The following FRMPD4 variants were observed in gnomAD, a reference collection of about 807,000 sequenced individuals.
The protein encoded by FRMPD4 is FERM and PDZ domain-containing protein 4.
Under a neutral mutation model 94.1 loss-of-function variants are expected in FRMPD4, and 22 were observed. That is an observed-to-expected ratio of 0.23 (90% CI 0.17 to 0.33). FRMPD4 has a LOEUF of 0.33. Ranked by LOEUF, FRMPD4 falls within the 10% of genes least tolerant of loss-of-function variation. The pLI, the probability that FRMPD4 is intolerant of heterozygous loss-of-function variation, is 1.00. For synonymous variants in FRMPD4, 631 were observed against 548.6 expected (o/e 1.15, Z -2.10); for missense variants, 1,111 against 1,339.9 (o/e 0.83, Z 2.67).
At chrX:12,624,009 T>C (rs1298038916) in intron 4 of FRMPD4, among the ~76,000 whole-genome samples, 1 of 111,822 alleles carries the variant, frequency 8.9e-6, no homozygotes, top group Non-Finnish European at 1.9e-5. Context: ...TGCGATCCCA[T>C]CTCAAAAAGA....
At chrX:12,156,986 G>T (rs1462471916) in intron 1 of FRMPD4, among the ~76,000 whole-genome samples, 1 of 111,660 alleles carries the variant, frequency 9.0e-6, no homozygotes, top group Non-Finnish European at 1.9e-5. Flanking sequence ...CAAATGGGCA[G>T]GTATAGATGC....
intron 1 of FRMPD4, among the ~76,000 whole-genome samples, chrX:12,285,298 A>G (rs2054584613): frequency 8.9e-6 from 1 of 111,907 alleles, no homozygotes; most frequent in Non-Finnish European, 1.9e-5. Context: ...TGTTCCCAGA[A>G]AGGATTTTTT....
intron 3 of FRMPD4, among the ~76,000 whole-genome samples, chrX:12,033,572 G>A (rs368934928): frequency 4.5e-5 from 5 of 111,680 alleles, no homozygotes; most frequent in Non-Finnish European, 7.5e-5. Context: ...GGACTATTAC[G>A]GGATAAACAT....
At chrX:12,633,469 G>T (rs1178703343) in intron 4 of FRMPD4, among the ~76,000 whole-genome samples, 6 of 111,846 alleles carry the variant, frequency 5.4e-5, no homozygotes, top group Non-Finnish European at 7.5e-5. Flanking sequence ...CGAGAGCTGA[G>T]TAGCATCCCC....
At chrX:12,073,445 T>C (rs2054986704) in intron 3 of FRMPD4, among the ~76,000 whole-genome samples, 1 of 112,068 alleles carries the variant, frequency 8.9e-6, no homozygotes, top group African/African-American at 3.2e-5. Flanking sequence ...TTCCCATCAT[T>C]ATTATTCTTT....
rs1389259892 is a variant in FRMPD4, at chrX:11,833,724, C to T, written c.-161+11009C>T. Reference sequence around the variant, plus strand: ...CACCCTCCTGCAGCAGAGAGCTCACCGAATATCTATTTCCTTCCCTGCATT... The same window carrying T: ...CACCCTCCTGCAGCAGAGAGCTCACTGAATATCTATTTCCTTCCCTGCATT... On this transcript the variant is annotated intron_variant, in intron 1 of 18. Coordinates refer to the FRMPD4 transcript ENST00000640291. 3.6e-5 allele frequency among the ~76,000 whole-genome samples: 4 copies of T among 111,635 alleles called. No homozygotes were observed. The South Asian group carries it at 1.1e-3, about 32-fold the overall frequency.
chrX:12,364,827 C>T (rs2056050459), intron 1 of FRMPD4, among the ~76,000 whole-genome samples: 1 of 112,022 alleles, frequency 8.9e-6, no homozygotes, highest in Admixed American at 9.4e-5. Context: ...AAATAGCTTC[C>T]CCTGGTTGGA....
rs766374914 is a variant in FRMPD4, at chrX:11,824,531, G to A, written c.-161+1816G>A. 7.2e-5 allele frequency among the ~76,000 whole-genome samples: 8 copies of A among 111,511 alleles called. No individual in the cohort carries two copies. In the South Asian group the frequency reaches 1.1e-3, roughly 16 times the overall value. On this transcript the variant is annotated intron_variant, in intron 1 of 18. Coordinates refer to the FRMPD4 transcript ENST00000640291. ...AAATGTTAATAGCATACTCCCCTCA[G>A]TTGTGACAACCCAAAATATCTCCAG...
intron 1 of FRMPD4, among the ~76,000 whole-genome samples, chrX:12,196,320 A>T (rs2056566834): frequency 8.9e-6 from 1 of 111,767 alleles, no homozygotes; most frequent in Non-Finnish European, 1.9e-5. Flanking sequence ...TTCAGTCCCT[A>T]CTGCCATCAC....
At chrX:12,095,395 A>G (rs1359521158) in intron 3 of FRMPD4, among the ~76,000 whole-genome samples, 1 of 108,966 alleles carries the variant, frequency 9.2e-6, no homozygotes, top group Non-Finnish European at 1.9e-5. Flanking sequence ...AAAAAAAAAT[A>G]CTATTTCATG....
intron 1 of FRMPD4, among the ~76,000 whole-genome samples, chrX:12,324,510 C>T (rs973541297): frequency 4.5e-5 from 5 of 111,988 alleles, no homozygotes; most frequent in Admixed American, 9.5e-5. Context: ...TCAAGGATAA[C>T]AAAATTTTTA....
intron 1 of FRMPD4, among the ~76,000 whole-genome samples, chrX:12,280,607 G>C (rs2054509178): frequency 9.0e-6 from 1 of 111,705 alleles, no homozygotes; most frequent in African/African-American, 3.3e-5. Context: ...TCTGCCCACA[G>C]CCCATGAAGT....
chrX:12,333,931 A>T (rs1030458164), intron 1 of FRMPD4, among the ~76,000 whole-genome samples: 1 of 112,130 alleles, frequency 8.9e-6, no homozygotes, highest in Admixed American at 9.5e-5. Flanking sequence ...TGCATCTTGT[A>T]GAGATTAGAA....
intron 3 of FRMPD4, among the ~76,000 whole-genome samples, chrX:12,087,752 A>G (rs2055122860): frequency 8.9e-6 from 1 of 112,551 alleles, no homozygotes; most frequent in Admixed American, 9.4e-5. Flanking sequence ...ACTGTATAAT[A>G]CAATGTTCTG....
intron 3 of FRMPD4, among the ~76,000 whole-genome samples, chrX:11,934,493 G>C (rs2054140207): frequency 1.8e-5 from 2 of 111,945 alleles, no homozygotes; most frequent in South Asian, 7.5e-4. Flanking sequence ...ATTTACTTAA[G>C]TCATGAGAAA....
chrX:12,134,620 C>A (rs1288889800), upstream of FRMPD4, among the ~76,000 whole-genome samples: 2 of 111,755 alleles, frequency 1.8e-5, no homozygotes, highest in Non-Finnish European at 3.8e-5. Context: ...TTAGATAAGG[C>A]CTTAAGAATG....
intron 4 of FRMPD4, among the ~76,000 whole-genome samples, chrX:12,666,707 A>G (rs778183740): frequency 8.9e-5 from 10 of 111,988 alleles, no homozygotes; most frequent in South Asian, 3.7e-4. Flanking sequence ...TTAAGGCAGA[A>G]ACAAGTTCTT....
Position 12,078,830 on chromosome X carries a change from A to G in FRMPD4, c.95+200812A>G, listed in dbSNP as rs1311014466. Among the ~76,000 whole-genome samples the G allele has an allele frequency of 2.7e-5, 3 of 111,732 alleles. No homozygotes were observed. The East Asian group carries it at 8.4e-4, about 31-fold the overall frequency. ...TAGCACTCCTCACCTTTCTGGTTGTATCAACTAAAAATGTCTCCAGACACT... is the reference window on the plus strand; with the variant it reads ...TAGCACTCCTCACCTTTCTGGTTGTGTCAACTAAAAATGTCTCCAGACACT... On this transcript the variant is annotated intron_variant, in intron 3 of 18. Transcript: ENST00000640291.
intron 4 of FRMPD4, among the ~76,000 whole-genome samples, chrX:12,667,337 G>C (rs779839346): frequency 9.6e-4 from 107 of 111,990 alleles, no homozygotes; most frequent in Non-Finnish European, 1.4e-3. Flanking sequence ...TTTGTTATTT[G>C]AGTTTTATTT....
Sources: gnomAD v4.1 joint callset for allele counts (sites outside exome capture counted in the v4.1 genomes callset) on GRCh38, gnomAD v4.1.1 for gene constraint, MANE v1.5 for transcripts, NCBI Gene and HGNC (gene_info 2026-07-23, HGNC 2026-07-21) for gene names.